PPP1R42: variants seen among roughly 807,000 people sequenced by gnomAD.
PPP1R42 encodes the protein protein phosphatase 1 regulatory subunit 42, also known as leucine rich repeat containing 67.
PPP1R42 carries 34 observed loss-of-function variants against 31.0 expected under a neutral mutation model. The ratio of observed to expected loss-of-function variants is 1.10; its 90% CI spans 0.83 to 1.46. The LOEUF (loss-of-function observed/expected upper bound fraction) is 1.46, where lower values mean the gene tolerates loss of function less well. Among genes scored for constraint, PPP1R42 ranks in the 40% most tolerant of loss-of-function variants. The pLI is 0.00. For missense variants in PPP1R42, 268 were observed against 303.0 expected (o/e 0.88, Z 0.86); for synonymous variants, 103 against 109.8 (o/e 0.94, Z 0.39).
intron 5 of PPP1R42, among the ~76,000 whole-genome samples, chr8:66,998,253 G>A (rs185727588): frequency 2.0e-5 from 3 of 152,056 alleles, no homozygotes; most frequent in East Asian, 3.9e-4. Context: ...TGTTTTTATT[G>A]TACAGCTCTT....
intron 1 of PPP1R42, among the ~76,000 whole-genome samples, chr8:67,020,527 C>A (rs1816182481): frequency 6.6e-6 from 1 of 152,058 alleles, no homozygotes; most frequent in African/African-American, 2.4e-5. Context: ...ATCCAGATTG[C>A]CTGGTTCCAA....
chr8:66,984,027 G>T, intron 6 of PPP1R42: 5 of 1,143,004 alleles, frequency 4.4e-6, no homozygotes, highest in Non-Finnish European at 6.5e-6. Context: ...ATGTCTGCTT[G>T]GCACAGTTCT....
At chr8:66,985,547 T>TG (rs1447012015) in intron 6 of PPP1R42, 1 of 1,316,898 alleles carries the variant, frequency 7.6e-7, no homozygotes, top group African/African-American at 1.4e-5. Context: ...CCCACCATGT[T>TG]GGCATTGCTG....
chr8:66,985,675 T>A, intron 6 of PPP1R42: 1 of 1,329,860 alleles, frequency 7.5e-7, no homozygotes, highest in Non-Finnish European at 1.1e-6. Flanking sequence ...CTGAATAGTG[T>A]GGCCAATTGG....
At chr8:67,003,432 C>T (rs1254008073) in intron 5 of PPP1R42, among the ~76,000 whole-genome samples, 1 of 107,886 alleles carries the variant, frequency 9.3e-6, no homozygotes, top group African/African-American at 3.6e-5. Context: ...CATCTAAAAG[C>T]AAGATTTTTG....
rs1471193916 is a variant in PPP1R42 at position 66,987,285 on chromosome 8, ATC to A, written c.670+1113_670+1114del. Reference sequence around the variant, plus strand: ...GTCTCCATCTCATTTTTAGCAAATGATCTTTTTTTTTTTTTTTTTTTTTTGAG... The same window carrying A: ...GTCTCCATCTCATTTTTAGCAAATGATTTTTTTTTTTTTTTTTTTTTTGAG... On this transcript the variant is annotated intron_variant, in intron 6 of 7. Coordinates refer to ENST00000685739, the MANE Select transcript of PPP1R42 (RefSeq NM_001364910.1). Among the ~76,000 whole-genome samples the A allele has an allele frequency of 5.4e-5, 7 of 130,312 alleles. No homozygotes were observed. The South Asian group carries it at 1.2e-3, about 22-fold the overall frequency. The allele number at this position is 130,312 out of a possible 152,430, so 85.5% of individuals were successfully genotyped here.
intron 5 of PPP1R42, among the ~76,000 whole-genome samples, chr8:67,006,165 G>A (rs1440584719): frequency 6.6e-6 from 1 of 152,170 alleles, no homozygotes; most frequent in Non-Finnish European, 1.5e-5. Context: ...CTAGTGCCTG[G>A]CATGTTCTTT....
At chr8:66,980,373 C>T (rs887295464) in intron 7 of PPP1R42, among the ~76,000 whole-genome samples, 1 of 152,054 alleles carries the variant, frequency 6.6e-6, no homozygotes, top group Admixed American at 6.6e-5. Context: ...ACGACAGGCA[C>T]ATGCCACCAT....
Position 67,017,519 on chromosome 8 carries a change from T to A in PPP1R42, c.129+100A>T, listed in dbSNP as rs533526654. 2.6e-5 allele frequency: 16 copies of A among 613,456 alleles called. No individual in the cohort carries two copies. The East Asian group carries it at 5.0e-4, about 19-fold the overall frequency. 38.0% of individuals were successfully genotyped at this position (613,456 alleles called of 1,614,324 possible). A position where few individuals can be genotyped will look rare whatever the true frequency, so the allele number is the denominator to read the frequency against. Reference sequence around the variant, plus strand: ...TCTCAAAAAAAAAAGTTAATAAGAATAATGAAAATATAGTTAAAATATTAG... The same window carrying A: ...TCTCAAAAAAAAAAGTTAATAAGAAAAATGAAAATATAGTTAAAATATTAG... On this transcript the variant is annotated intron_variant, in intron 2 of 7. Coordinates refer to ENST00000685739, the MANE Select transcript of PPP1R42 (RefSeq NM_001364910.1).
intron 1 of PPP1R42, among the ~76,000 whole-genome samples, chr8:67,024,846 A>AT (rs1188500004): frequency 3.3e-5 from 5 of 151,828 alleles, no homozygotes; most frequent in African/African-American, 1.2e-4. Flanking sequence ...CTAATGTTAA[A>AT]TTTTTTTGCA....
intron 5 of PPP1R42, among the ~76,000 whole-genome samples, chr8:66,991,144 A>G (rs1030702417): frequency 1.6e-4 from 25 of 152,324 alleles, no homozygotes; most frequent in African/African-American, 6.0e-4. Flanking sequence ...TGATTTAGCA[A>G]ACTTTACAGA....
chr8:66,988,683 T>C (rs1048605473), intron 5 of PPP1R42, among the ~76,000 whole-genome samples, 166 bp from the exon 6 acceptor site: 58 of 152,172 alleles, frequency 3.8e-4, no homozygotes, highest in Non-Finnish European at 6.9e-4. Flanking sequence ...AAACAATCTA[T>C]ACTGATAATA....
At chr8:66,986,320 G>C in intron 6 of PPP1R42, 1 of 524,448 alleles carries the variant, frequency 1.9e-6, no homozygotes, top group Non-Finnish European at 3.8e-6. Context: ...AAGGATCCAT[G>C]GTTTCAGCTC....
intron 6 of PPP1R42, 83 bp downstream of exon 6, chr8:66,988,317 A>G (rs1302482697): frequency 5.4e-6 from 7 of 1,289,482 alleles, no homozygotes; most frequent in Non-Finnish European, 6.9e-6. Context: ...TCAGATTTAT[A>G]TTTCTGAAAG....
intron 7 of PPP1R42, among the ~76,000 whole-genome samples, chr8:66,965,027 A>G (rs1428375339): frequency 2.0e-5 from 3 of 152,186 alleles, no homozygotes; most frequent in South Asian, 2.1e-4. Flanking sequence ...AAATAGAAGC[A>G]TATTATATAG....
intron 7 of PPP1R42, 157 bp downstream of exon 7, chr8:66,981,892 C>G (rs1814852147): frequency 1.1e-5 from 8 of 696,850 alleles, no homozygotes; most frequent in Admixed American, 4.2e-5. Flanking sequence ...ACAAATTGTA[C>G]TTATGTACAA....
chr8:67,016,683 G>A (rs1816025268), intron 2 of PPP1R42, among the ~76,000 whole-genome samples: 1 of 152,018 alleles, frequency 6.6e-6, no homozygotes, highest in Non-Finnish European at 1.5e-5. Flanking sequence ...ACGTGGATAG[G>A]TTCTTCTTTT....
intron 1 of PPP1R42, 84 bp downstream of exon 1, chr8:67,028,407 G>GA: frequency 1.3e-6 from 1 of 745,250 alleles, no homozygotes. Context: ...AAATGTCCCG[G>GA]AAAGTCTTAC....
intron 5 of PPP1R42, among the ~76,000 whole-genome samples, chr8:66,994,176 A>T (rs760709868): frequency 6.6e-6 from 1 of 151,912 alleles, no homozygotes; most frequent in Non-Finnish European, 1.5e-5. Context: ...AGGAGAGGAG[A>T]GGGAATGAAA....
Sources: gnomAD v4.1 joint callset for allele counts (sites outside exome capture counted in the v4.1 genomes callset) on GRCh38, gnomAD v4.1.1 for gene constraint, MANE v1.5 for transcripts, NCBI Gene and HGNC (gene_info 2026-07-23, HGNC 2026-07-21) for gene names.